GALNT1: variants seen among roughly 807,000 people sequenced by gnomAD.
GALNT1 encodes the protein polypeptide N-acetylgalactosaminyltransferase 1.
GALNT1 carries 17 observed loss-of-function variants against 65.7 expected under a neutral mutation model. The ratio of observed to expected loss-of-function variants is 0.26; its 90% confidence interval spans 0.18 to 0.39. The LOEUF (loss-of-function observed/expected upper bound fraction) is 0.39, where lower values mean the gene tolerates loss of function less well. GALNT1 is among the 10% of genes least tolerant of loss of function. The pLI, the probability that GALNT1 is intolerant of heterozygous loss-of-function variation, is 1.00. For synonymous variants in GALNT1, 210 were observed against 219.7 expected, an observed-to-expected ratio of 0.96 and a Z score of 0.39; for missense variants, 460 against 672.8, an observed-to-expected ratio of 0.68 and a Z score of 3.50.
At chr18:35,639,229 G>C (rs1402810012) in intron 1 of GALNT1, among the ~76,000 whole-genome samples, 1 of 152,050 alleles carries the variant, frequency 6.6e-6, no homozygotes, top group Admixed American at 6.6e-5. Context: ...CTTCATTTTT[G>C]TCTTATTTTA....
At chr18:35,647,764 A>G (rs1223709866) in intron 1 of GALNT1, among the ~76,000 whole-genome samples, 1 of 152,136 alleles carries the variant, frequency 6.6e-6, no homozygotes, top group Non-Finnish European at 1.5e-5. Flanking sequence ...GAAAGTTACT[A>G]TCCAGCTGAG....
rs2046320802 is a variant in GALNT1 at position 35,581,800 on chromosome 18, G to T, written c.-166G>T. 1.3e-3 allele frequency: 1 copy of T among 764 alleles called. No individual in the cohort carries two copies. Among genetic ancestry groups the T allele is most frequent in the African/African-American group, 0.026 (1 of 38 alleles). The allele number at this position is 764 out of a possible 1,614,324, so 0.0% of individuals were successfully genotyped here. A position where few individuals can be genotyped will look rare whatever the true frequency, so the allele number is the denominator to read the frequency against. On this transcript the variant is annotated 5_prime_UTR_variant, in exon 1 of 12. Transcript: ENST00000269195. The stretch of plus-strand genomic sequence containing the variant: ...GAGTAGCGCGCTGGCCGCGGGACCG[G>T]CCGCGACCGCCGCGGCCGGCCCGGA...
chr18:35,685,936 T>C (rs2047860902), intron 5 of GALNT1, among the ~76,000 whole-genome samples: 1 of 152,018 alleles, frequency 6.6e-6, no homozygotes, highest in Admixed American at 6.6e-5. Flanking sequence ...GTCGTGGTGG[T>C]GCATGCCTAT....
chr18:35,667,730 A>G (rs909839573), intron 3 of GALNT1, among the ~76,000 whole-genome samples: 2 of 152,102 alleles, frequency 1.3e-5, no homozygotes, highest in Admixed American at 1.3e-4. Flanking sequence ...TTCTCAGCCT[A>G]CATTTTGCTG....
At chr18:35,612,626 G>A (rs765640142) in intron 1 of GALNT1, among the ~76,000 whole-genome samples, 5 of 152,162 alleles carry the variant, frequency 3.3e-5, no homozygotes, top group Non-Finnish European at 7.4e-5. Flanking sequence ...AGCACTTTGG[G>A]AGGCCAAGGC....
chr18:35,686,870 A>G, intron 5 of GALNT1, 146 bp from the exon 6 acceptor site: 1 of 664,402 alleles, frequency 1.5e-6, no homozygotes, highest in Non-Finnish European at 2.4e-6. Flanking sequence ...GCACTACTGC[A>G]TTCCAGCCTG....
chr18:35,617,431 C>A (rs2046798939), intron 1 of GALNT1, among the ~76,000 whole-genome samples: 1 of 152,160 alleles, frequency 6.6e-6, no homozygotes, highest in South Asian at 2.1e-4. Flanking sequence ...ATCTGAAACA[C>A]GTTTAAAAGT....
At chr18:35,596,856 C>T (rs908166292) in intron 1 of GALNT1, 1 of 152,218 alleles carries the variant, frequency 6.6e-6, no homozygotes, top group Non-Finnish European at 1.5e-5. Context: ...CCTCCAGTTC[C>T]AACATGAGCC....
At chr18:35,688,742 C>T (rs779575759) in intron 6 of GALNT1, among the ~76,000 whole-genome samples, 4 of 152,172 alleles carry the variant, frequency 2.6e-5, no homozygotes, top group Non-Finnish European at 2.9e-5. Flanking sequence ...GTAACTCTAA[C>T]CTCAATCTAC....
intron 4 of GALNT1, among the ~76,000 whole-genome samples, chr18:35,681,083 T>C (rs2047780438): frequency 6.6e-6 from 1 of 152,186 alleles, no homozygotes; most frequent in Non-Finnish European, 1.5e-5. Flanking sequence ...TCTTCTCTAC[T>C]ACTCCTTAGA....
chr18:35,647,705 G>C (rs942114349), intron 1 of GALNT1, among the ~76,000 whole-genome samples: 8 of 152,168 alleles, frequency 5.3e-5, no homozygotes, highest in Non-Finnish European at 1.2e-4. Context: ...GTGTTCTCAG[G>C]AGAGAGGAGT....
At chr18:35,590,747 A>T (rs186175299) in intron 1 of GALNT1, among the ~76,000 whole-genome samples, 1 of 152,300 alleles carries the variant, frequency 6.6e-6, no homozygotes, top group East Asian at 1.9e-4. Context: ...ATCAGTAAAC[A>T]CTTTACTAAC....
At chr18:35,705,399 T>A (rs1054729335) in intron 11 of GALNT1, among the ~76,000 whole-genome samples, 1 of 152,230 alleles carries the variant, frequency 6.6e-6, no homozygotes, top group Non-Finnish European at 1.5e-5. Flanking sequence ...GATTGTTAGA[T>A]CCTAGAGGAC....
rs557526769 is a variant in GALNT1, at chr18:35,709,848, T to C, written c.*78T>C. Reference sequence around the variant, plus strand: ...CATACATTTCTGCCACATTCTTAAGTAGCAAAAAAGGAAAAGTGCTTTCCT... The same window carrying C: ...CATACATTTCTGCCACATTCTTAAGCAGCAAAAAAGGAAAAGTGCTTTCCT... On this transcript the variant is annotated 3_prime_UTR_variant, in exon 12 of 12. Coordinates refer to ENST00000269195, the MANE Select transcript of GALNT1 (RefSeq NM_020474.4). 99 of 1,532,712 alleles carry C rather than the reference T, an allele frequency of 6.5e-5. No homozygotes were observed. In the African/African-American group the frequency reaches 1.3e-3, roughly 19 times the overall value. The allele number at this position is 1,532,712 out of a possible 1,614,324, so 94.9% of individuals were successfully genotyped here. A position where few individuals can be genotyped will look rare whatever the true frequency, so the allele number is the denominator to read the frequency against.
intron 3 of GALNT1, among the ~76,000 whole-genome samples, chr18:35,674,490 C>T (rs773166677): frequency 5.3e-5 from 8 of 152,084 alleles, no homozygotes; most frequent in Admixed American, 1.3e-4. Flanking sequence ...ACACTGGAAC[C>T]GGGGAGGGAA....
At chr18:35,663,882 A>AAT in intron 3 of GALNT1, 80 bp downstream of exon 3, 3 of 1,338,858 alleles carry the variant, frequency 2.2e-6, no homozygotes, top group Non-Finnish European at 3.2e-6. Context: ...TTGAGTGCTG[A>AAT]TTGTTCTTAA....
intron 1 of GALNT1, among the ~76,000 whole-genome samples, chr18:35,640,730 A>G (rs2047149851): frequency 1.3e-5 from 2 of 152,326 alleles, no homozygotes; most frequent in East Asian, 1.9e-4. Flanking sequence ...ACAGTATGGT[A>G]TAGGGAGAGA....
chr18:35,707,849 A>C (rs2144775994), intron 11 of GALNT1, among the ~76,000 whole-genome samples: 1 of 152,332 alleles, frequency 6.6e-6, no homozygotes, highest in Admixed American at 6.5e-5. Context: ...CCTGAGACTG[A>C]AGCCACTGGC....
chr18:35,614,673 T>C (rs1393949314), intron 1 of GALNT1, among the ~76,000 whole-genome samples: 4 of 152,090 alleles, frequency 2.6e-5, no homozygotes, highest in Non-Finnish European at 5.9e-5. Context: ...TATAAGTACC[T>C]TCATAGAAAA....
Sources: gnomAD v4.1 joint callset for allele counts (sites outside exome capture counted in the v4.1 genomes callset) on GRCh38, gnomAD v4.1.1 for gene constraint, MANE v1.5 for transcripts, NCBI Gene and HGNC (gene_info 2026-07-23, HGNC 2026-07-21) for gene names.